Variants in ADARB2 observed in about 807,000 individuals in gnomAD.
ADARB2 encodes adenosine deaminase RNA specific B2 (inactive).
Under a neutral mutation model 62.2 loss-of-function variants are expected in ADARB2, and 25 were observed. The observed-to-expected ratio is 0.40, with a 90% CI of 0.29 to 0.56. ADARB2 has a LOEUF of 0.56. Among genes scored for constraint, ADARB2 ranks in the 20% least tolerant of loss-of-function variants. The probability of loss-of-function intolerance (pLI) is 0.43; values close to 1 mark genes in which losing one functional copy is unlikely to be tolerated. For missense variants in ADARB2, 1,071 were observed against 1,077.4 expected (o/e 0.99, Z 0.08); for synonymous variants, 572 against 500.8 (o/e 1.14, Z -1.90).
At chr10:1,658,401 T>A (rs1834200479) in intron 1 of ADARB2, among the ~76,000 whole-genome samples, 1 of 152,164 alleles carries the variant, frequency 6.6e-6, no homozygotes, top group Non-Finnish European at 1.5e-5. Flanking sequence ...TCTTTCTCTG[T>A]CTCTATCTGA....
chr10:1,360,546 TC>T (rs1677352587), intron 3 of ADARB2, among the ~76,000 whole-genome samples: 1 of 152,150 alleles, frequency 6.6e-6, no homozygotes, highest in Admixed American at 6.5e-5. Context: ...TTTCATTTTT[TC>T]CCCCTGAATC....
intron 1 of ADARB2, among the ~76,000 whole-genome samples, chr10:1,720,777 A>G (rs187927712): frequency 1.3e-5 from 2 of 152,314 alleles, no homozygotes; most frequent in African/African-American, 4.8e-5. Context: ...CAGGAAGCTC[A>G]CTCAAGGCAA....
chr10:1,718,639 G>A (rs151150290), intron 1 of ADARB2, among the ~76,000 whole-genome samples: 16 of 152,334 alleles, frequency 1.1e-4, no homozygotes, highest in Admixed American at 7.8e-4. Context: ...CTGGCAACAC[G>A]GCTCTGAGCA....
In ADARB2 at chr10:1,563,294, C is replaced by T. The variant is rs372923993; in HGVS notation, c.100+173757G>A. Among the ~76,000 whole-genome samples, 23 of 152,076 alleles carry T rather than the reference C, an allele frequency of 1.5e-4. 1 individual carries two copies. In the East Asian group the frequency reaches 1.9e-3, roughly 13 times the overall value. ...GAACGTGGTCCCCCTAAGGTGCGGA[C>T]GTGTATCCCTGCATCCTCCCCACAA... On this transcript the variant is annotated intron_variant, in intron 1 of 9. Transcript: ENST00000381312.
rs530375399 is a variant in ADARB2, at chr10:1,367,951, C to T, written c.188-4034G>A. ...GTATAAGAGCCTCTTTCATAATAAT[C>T]AATAATTGATAATAAGAGCATACTT... On this transcript the variant is annotated intron_variant, in intron 2 of 9. Transcript: ENST00000381312. Among the ~76,000 whole-genome samples the T allele has an allele frequency of 2.0e-5, 3 of 152,336 alleles. No individual in the cohort carries two copies. The South Asian group carries it at 6.2e-4, about 32-fold the overall frequency.
chr10:1,397,801 G>A (rs35239810), intron 1 of ADARB2, among the ~76,000 whole-genome samples: 2,103 of 40,784 alleles, frequency 0.052, 174 homozygotes, highest in East Asian at 0.085. Flanking sequence ...GTCACCGTCC[G>A]TCTCTCCCCT....
chr10:1,362,174 G>C (rs1209217237), intron 3 of ADARB2, among the ~76,000 whole-genome samples: 1 of 152,226 alleles, frequency 6.6e-6, no homozygotes, highest in African/African-American at 2.4e-5. Flanking sequence ...AGCGATGACA[G>C]GAAATGTCCT....
At chr10:1,526,742 C>T (rs752643560) in intron 1 of ADARB2, 2 of 393,906 alleles carry the variant, frequency 5.1e-6, no homozygotes, top group South Asian at 3.7e-5. Flanking sequence ...GTGTTCCTTT[C>T]TAGCAACACA....
rs564453783 is a variant in ADARB2, at chr10:1,309,947, C to G, written c.1078-38878G>C. On this transcript the variant is annotated intron_variant, in intron 3 of 9. Coordinates refer to ENST00000381312, the MANE Select transcript of ADARB2 (RefSeq NM_018702.4). ...GGGGCCGCATCATTCCACCTGGAAT[C>G]TCCGTCTTCAGCGTCTTCCATCCCT... Among the ~76,000 whole-genome samples the G allele has an allele frequency of 2.5e-4, 38 of 152,378 alleles. No individual in the cohort carries two copies. In the South Asian group the frequency reaches 6.4e-3, roughly 26 times the overall value.
chr10:1,197,358 T>C (rs1836924399), intron 8 of ADARB2, among the ~76,000 whole-genome samples: 2 of 152,234 alleles, frequency 1.3e-5, no homozygotes, highest in South Asian at 4.1e-4. Flanking sequence ...TTGGGAAATT[T>C]CAGAAGCTAT....
chr10:1,265,561 C>T lies in ADARB2; in HGVS notation c.1192+5394G>A, dbSNP rs554632533. Among the ~76,000 whole-genome samples the T allele has an allele frequency of 1.8e-3, 258 of 147,266 alleles. 3 individuals are homozygous for T. The highest frequency in any genetic ancestry group is 5.7e-3 in the African/African-American group (224 of 39,574). ...CCCTGAGCGGGGGCCCAGGCTCTCC[C>T]GGAAGACGGCCTGAGTCAGGTCCAC... On this transcript the variant is annotated intron_variant, in intron 4 of 9. Transcript: ENST00000381312.
chr10:1,646,322 C>T (rs1417731758), intron 1 of ADARB2, among the ~76,000 whole-genome samples: 4 of 152,240 alleles, frequency 2.6e-5, no homozygotes, highest in African/African-American at 9.6e-5. Context: ...AGCCCCCATG[C>T]ACACCCAGAC....
At chr10:1,339,330 T>C (rs921888129) in intron 3 of ADARB2, among the ~76,000 whole-genome samples, 2 of 152,244 alleles carry the variant, frequency 1.3e-5, no homozygotes, top group African/African-American at 2.4e-5. Flanking sequence ...ACCCGAAGTC[T>C]ACGGGACTAA....
At chr10:1,497,897 G>A (rs762056301) in intron 1 of ADARB2, among the ~76,000 whole-genome samples, 1 of 152,122 alleles carries the variant, frequency 6.6e-6, no homozygotes, top group Non-Finnish European at 1.5e-5. Context: ...GGAAGTTGAG[G>A]CATGGAAGAG....
intron 1 of ADARB2, among the ~76,000 whole-genome samples, chr10:1,478,594 A>T (rs185851690): frequency 1.3e-5 from 2 of 152,104 alleles, no homozygotes; most frequent in African/African-American, 4.8e-5. Flanking sequence ...GAGAGCACCA[A>T]AACAAGGACC....
intron 2 of ADARB2, among the ~76,000 whole-genome samples, chr10:1,368,777 T>C (rs1418635138): frequency 2.0e-5 from 3 of 151,832 alleles, no homozygotes; most frequent in African/African-American, 7.3e-5. Context: ...GCCTCTTTGG[T>C]CCCTCAGGCC....
intron 1 of ADARB2, among the ~76,000 whole-genome samples, chr10:1,582,885 G>A (rs1175901374): frequency 6.6e-6 from 1 of 152,162 alleles, no homozygotes; most frequent in South Asian, 2.1e-4. Context: ...AGACCCAGGG[G>A]CTATAAGAGC....
At chr10:1,273,802 C>T (rs1831287597) in intron 3 of ADARB2, among the ~76,000 whole-genome samples, 1 of 152,214 alleles carries the variant, frequency 6.6e-6, no homozygotes, top group Non-Finnish European at 1.5e-5. Flanking sequence ...GCGTGTGCTG[C>T]AAGCCCCATC....
chr10:1,535,167 G>T (rs1247916515), intron 1 of ADARB2, among the ~76,000 whole-genome samples: 7 of 152,166 alleles, frequency 4.6e-5, no homozygotes, highest in Admixed American at 4.6e-4. Context: ...GGTGAGGGAG[G>T]TTCCCACGGT....
Sources: gnomAD v4.1 joint callset for allele counts (sites outside exome capture counted in the v4.1 genomes callset) on GRCh38, gnomAD v4.1.1 for gene constraint, MANE v1.5 for transcripts, NCBI Gene and HGNC (gene_info 2026-07-23, HGNC 2026-07-21) for gene names.